Variants in MYO3B observed in about 807,000 individuals in gnomAD.
MYO3B encodes myosin-IIIb.
MYO3B carries 156 observed loss-of-function variants against 174.6 expected under a neutral mutation model. That is an observed-to-expected ratio of 0.89 (90% CI 0.78 to 1.02). MYO3B has a LOEUF of 1.02. Among genes scored for constraint, MYO3B ranks in the 50% least tolerant of loss-of-function variants. The pLI is 0.00. For missense variants in MYO3B, 1,632 were observed against 1,639.4 expected, an observed-to-expected ratio of 1.00 and a Z score of 0.08; for synonymous variants, 563 against 569.1, an observed-to-expected ratio of 0.99 and a Z score of 0.15.
chr2:170,534,971 T>A (rs1425826696), intron 30 of MYO3B, among the ~76,000 whole-genome samples: 2 of 152,216 alleles, frequency 1.3e-5, no homozygotes, highest in Non-Finnish European at 2.9e-5. Context: ...TTTATTAAGG[T>A]CTTTATTCAA....
At chr2:170,194,150 T>C (rs564667063) in intron 1 of MYO3B, among the ~76,000 whole-genome samples, 1 of 152,324 alleles carries the variant, frequency 6.6e-6, no homozygotes, top group East Asian at 1.9e-4. Flanking sequence ...TTGTTGTCTT[T>C]ATACTTCAAC....
intron 7 of MYO3B, among the ~76,000 whole-genome samples, chr2:170,263,335 GGT>G (rs1414393343): frequency 6.6e-6 from 1 of 152,118 alleles, no homozygotes; most frequent in African/African-American, 2.4e-5. Flanking sequence ...CACACCTGTG[GGT>G]GTTTCTTGTC....
At chr2:170,407,615 C>A in intron 21 of MYO3B, 100 bp from the exon 22 acceptor site, 1 of 742,490 alleles carries the variant, frequency 1.3e-6, no homozygotes, top group Non-Finnish European at 2.1e-6. Context: ...AAGATGAGTT[C>A]TATATAGAGG....
chr2:170,348,562 A>G (rs1207734007), intron 8 of MYO3B: 1 of 152,104 alleles, frequency 6.6e-6, no homozygotes, highest in Non-Finnish European at 1.5e-5. Context: ...TTTGAGGCAG[A>G]ATATCAACAT....
intron 32 of MYO3B, among the ~76,000 whole-genome samples, chr2:170,616,835 G>C (rs1038401956): frequency 6.6e-6 from 1 of 152,128 alleles, no homozygotes; most frequent in Non-Finnish European, 1.5e-5. Context: ...TGTTCTTTTA[G>C]TTTGCTTATG....
intron 32 of MYO3B, among the ~76,000 whole-genome samples, chr2:170,630,762 C>T (rs994655771): frequency 2.0e-5 from 3 of 152,336 alleles, no homozygotes; most frequent in African/African-American, 4.8e-5. Flanking sequence ...CCCAGGCAAA[C>T]AGGGTCTGGA....
At chr2:170,480,637 G>A (rs2106010007) in intron 25 of MYO3B, among the ~76,000 whole-genome samples, 1 of 152,324 alleles carries the variant, frequency 6.6e-6, no homozygotes, top group East Asian at 1.9e-4. Flanking sequence ...TTGCGGGGTG[G>A]GGAGTGGTTA....
chr2:170,200,616 G>T (rs1200204134), intron 3 of MYO3B, among the ~76,000 whole-genome samples: 1 of 152,236 alleles, frequency 6.6e-6, no homozygotes. Flanking sequence ...TTCAAAAATT[G>T]TTAACCCAAG....
At chr2:170,425,101 ACAGATACC>A (rs1477648693) in intron 22 of MYO3B, among the ~76,000 whole-genome samples, 1 of 152,186 alleles carries the variant, frequency 6.6e-6, no homozygotes, top group Non-Finnish European at 1.5e-5. Context: ...TCCCTTAGTA[ACAGATACC>A]TCCTGGCACT....
At chr2:170,353,035 T>G (rs963533824) in intron 8 of MYO3B, among the ~76,000 whole-genome samples, 1 of 152,218 alleles carries the variant, frequency 6.6e-6, no homozygotes, top group Non-Finnish European at 1.5e-5. Context: ...TACCGTAGGG[T>G]CTAGCAATCG....
At chr2:170,197,484 T>C (rs2092613753) in intron 1 of MYO3B, among the ~76,000 whole-genome samples, 1 of 152,224 alleles carries the variant, frequency 6.6e-6, no homozygotes, top group Non-Finnish European at 1.5e-5. Context: ...TCTTCTCTCA[T>C]TTTCACTGAA....
chr2:170,402,948 G>GT lies in MYO3B; in HGVS notation c.2230_2231insT (p.Glu744ValfsTer15). 1 of 1,610,570 alleles carries GT rather than the reference G, an allele frequency of 6.2e-7. No individual in the cohort carries two copies. Among genetic ancestry groups the GT allele is most frequent in the Non-Finnish European group, 8.5e-7 (1 of 1,177,286 alleles). On this transcript the variant is annotated frameshift_variant, in exon 19 of 35. Transcript: ENST00000408978. LOFTEE classifies it high-confidence loss of function. Reference sequence around the variant, plus strand: ...GCAGCTCTGCATAAACATCGCCAATGAGCAAATCCAGTACTATTTCAATCA... The same window carrying GT: ...GCAGCTCTGCATAAACATCGCCAATGTAGCAAATCCAGTACTATTTCAATCA...
chr2:170,465,374 C>T (rs935743131), intron 24 of MYO3B, among the ~76,000 whole-genome samples: 1 of 152,148 alleles, frequency 6.6e-6, no homozygotes, highest in South Asian at 2.1e-4. Context: ...TTAAACAACC[C>T]GATTTTGCAT....
intron 9 of MYO3B, among the ~76,000 whole-genome samples, chr2:170,372,077 C>T (rs377014316): frequency 2.1e-4 from 28 of 134,486 alleles, no homozygotes; most frequent in Admixed American, 6.1e-4. Context: ...TGTGATTGCA[C>T]CACTGCATTC....
chr2:170,249,080 G>A (rs1356380127), intron 7 of MYO3B, among the ~76,000 whole-genome samples: 4 of 152,172 alleles, frequency 2.6e-5, no homozygotes, highest in African/African-American at 7.2e-5. Flanking sequence ...GGCCTTTGCA[G>A]GCTATTCATT....
intron 30 of MYO3B, among the ~76,000 whole-genome samples, chr2:170,540,113 G>T (rs1689987037): frequency 6.6e-6 from 1 of 152,140 alleles, no homozygotes; most frequent in Non-Finnish European, 1.5e-5. Context: ...CTTGAGGCCA[G>T]GAGTTCGAGA....
intron 32 of MYO3B, among the ~76,000 whole-genome samples, chr2:170,598,827 C>T (rs1467733150): frequency 5.3e-5 from 8 of 152,248 alleles, no homozygotes; most frequent in South Asian, 2.1e-4. Context: ...AGAGTTGTTA[C>T]GGGAATTAAA....
chr2:170,371,338 C>T (rs1008462140), intron 9 of MYO3B, among the ~76,000 whole-genome samples: 1 of 151,192 alleles, frequency 6.6e-6, no homozygotes, highest in Non-Finnish European at 1.5e-5. Context: ...CCTTTGATGT[C>T]AGAAGCCTCA....
chr2:170,217,127 C>T (rs2092837715), intron 5 of MYO3B, among the ~76,000 whole-genome samples, 192 bp from the exon 6 acceptor site: 1 of 152,024 alleles, frequency 6.6e-6, no homozygotes. Context: ...TGGAATGCAG[C>T]CACATTCATT....
Sources: gnomAD v4.1 joint callset for allele counts (sites outside exome capture counted in the v4.1 genomes callset) on GRCh38, gnomAD v4.1.1 for gene constraint, MANE v1.5 for transcripts, NCBI Gene and HGNC (gene_info 2026-07-23, HGNC 2026-07-21) for gene names.